The following PGM2L1 variants were observed in gnomAD, a reference collection of about 807,000 sequenced individuals.
PGM2L1 encodes phosphoglucomutase 2 like 1.
A neutral mutation model predicts 73.4 loss-of-function variants in PGM2L1; 35 were observed. That is an observed-to-expected ratio of 0.48 (90% confidence interval 0.36 to 0.63). The LOEUF is 0.63. Among genes scored for constraint, PGM2L1 ranks in the 30% least tolerant of loss-of-function variants. The pLI, the probability that PGM2L1 is intolerant of heterozygous loss-of-function variation, is 0.00. For synonymous variants in PGM2L1, 225 were observed against 253.8 expected (o/e 0.89, Z 1.08); for missense variants, 570 against 742.0 (o/e 0.77, Z 2.69).
intron 1 of PGM2L1, among the ~76,000 whole-genome samples, chr11:74,391,179 T>G (rs1189196629): frequency 6.6e-6 from 1 of 151,884 alleles, no homozygotes; most frequent in Non-Finnish European, 1.5e-5. Flanking sequence ...CTTCCTACTT[T>G]CTTCCTGTTT....
At chr11:74,354,505 G>A in intron 5 of PGM2L1, 1 of 1,223,182 alleles carries the variant, frequency 8.2e-7, no homozygotes, top group Non-Finnish European at 1.2e-6. Context: ...TTGGAGGGTT[G>A]AGCTTTGAAA....
intron 1 of PGM2L1, among the ~76,000 whole-genome samples, chr11:74,390,685 A>T (rs1035349914): frequency 3.3e-5 from 5 of 152,228 alleles, no homozygotes; most frequent in African/African-American, 1.2e-4. Flanking sequence ...GGTACTGAAG[A>T]GTAGATGCAA....
chr11:74,364,440 T>C (rs567577550), intron 5 of PGM2L1, among the ~76,000 whole-genome samples: 4 of 152,224 alleles, frequency 2.6e-5, no homozygotes, highest in Non-Finnish European at 5.9e-5. Context: ...TGTTTGCACA[T>C]GACATGATTG....
rs577181740 is a variant in PGM2L1, at chr11:74,380,067, TAAA to T, written c.112-5488_112-5486del. Among the ~76,000 whole-genome samples the T allele has an allele frequency of 3.1e-3, 468 of 152,356 alleles. 5 individuals are homozygous for T. The highest frequency in any genetic ancestry group is 0.011 in the African/African-American group (450 of 41,590). ...AATGTTACTGACAGAGACTTGTGTC[TAAA>T]TAATAAATACCAGTTTTATATAACT... On this transcript the variant is annotated intron_variant, in intron 1 of 13. Transcript: ENST00000298198.
intron 1 of PGM2L1, among the ~76,000 whole-genome samples, chr11:74,378,621 T>C (rs1263379129): frequency 1.3e-5 from 2 of 152,200 alleles, no homozygotes; most frequent in African/African-American, 4.8e-5. Flanking sequence ...AATTTTCCTT[T>C]AGGTTCTAAT....
chr11:74,366,704 G>T (rs576051279), intron 5 of PGM2L1, among the ~76,000 whole-genome samples: 94 of 152,030 alleles, frequency 6.2e-4, no homozygotes, highest in Non-Finnish European at 1.0e-3. Flanking sequence ...TATGTTGGAG[G>T]AGCTGGAGAA....
At chr11:74,337,030 CAGG>C (rs1233987649) in intron 13 of PGM2L1, among the ~76,000 whole-genome samples, 1 of 152,046 alleles carries the variant, frequency 6.6e-6, no homozygotes, top group Non-Finnish European at 1.5e-5. Flanking sequence ...TCTCCTGGGT[CAGG>C]AGAATGAGGT....
chr11:74,391,946 C>G (rs1022536439), intron 1 of PGM2L1, among the ~76,000 whole-genome samples: 2 of 152,158 alleles, frequency 1.3e-5, no homozygotes, highest in Non-Finnish European at 2.9e-5. Context: ...GCAAACTTTG[C>G]TAGCATTAAT....
At chr11:74,338,783 TAG>T (rs1327896815) in intron 12 of PGM2L1, among the ~76,000 whole-genome samples, 182 bp from the exon 13 acceptor site, 1 of 152,198 alleles carries the variant, frequency 6.6e-6, no homozygotes, top group East Asian at 1.9e-4. Flanking sequence ...GCTTAAAGGA[TAG>T]AGAGTTTCAG....
chr11:74,349,601 G>A (rs1279216116), intron 6 of PGM2L1, among the ~76,000 whole-genome samples: 1 of 152,180 alleles, frequency 6.6e-6, no homozygotes, highest in Non-Finnish European at 1.5e-5. Context: ...CTTTTACTAG[G>A]AAATGGTATT....
At chr11:74,346,709 A>G (rs1309109006) in intron 8 of PGM2L1, 23 bp downstream of exon 8, 2 of 1,577,244 alleles carry the variant, frequency 1.3e-6, no homozygotes, top group Non-Finnish European at 1.7e-6. Flanking sequence ...CAAGCTTTTA[A>G]TCAAATAACA....
intron 4 of PGM2L1, among the ~76,000 whole-genome samples, chr11:74,368,905 C>T (rs1334136463): frequency 6.6e-6 from 1 of 152,020 alleles, no homozygotes. Context: ...ATAATTTTTG[C>T]TATGTATTAT....
chr11:74,395,918 G>T (rs543647185), intron 1 of PGM2L1, among the ~76,000 whole-genome samples: 8 of 151,760 alleles, frequency 5.3e-5, no homozygotes, highest in African/African-American at 1.7e-4. Flanking sequence ...GCATAGAATG[G>T]ACAATCAATA....
At chr11:74,359,594 C>G (rs1021445541) in intron 5 of PGM2L1, among the ~76,000 whole-genome samples, 1 of 151,216 alleles carries the variant, frequency 6.6e-6, no homozygotes, top group Non-Finnish European at 1.5e-5. Context: ...CATACATACA[C>G]ATAGAATGAG....
chr11:74,394,538 A>G (rs1309241377), intron 1 of PGM2L1, among the ~76,000 whole-genome samples: 1 of 152,196 alleles, frequency 6.6e-6, no homozygotes, highest in Non-Finnish European at 1.5e-5. Flanking sequence ...TAACATTTAC[A>G]CACACACCTG....
chr11:74,396,101 T>A (rs1002647376), intron 1 of PGM2L1, among the ~76,000 whole-genome samples: 8 of 151,156 alleles, frequency 5.3e-5, no homozygotes, highest in Non-Finnish European at 2.9e-5. Flanking sequence ...AAAAAAAAAT[T>A]TTTTTTAATT....
intron 5 of PGM2L1, among the ~76,000 whole-genome samples, chr11:74,364,196 G>A (rs1463540918): frequency 6.6e-6 from 1 of 152,088 alleles, no homozygotes; most frequent in Admixed American, 6.5e-5. Context: ...AATAAATTAG[G>A]TATTAATGGG....
Position 74,347,321 on chromosome 11 carries a change from T to C in PGM2L1, c.766A>G (p.Thr256Ala). 4 of 1,598,078 alleles carry C rather than the reference T, an allele frequency of 2.5e-6. No individual in the cohort carries two copies. Among genetic ancestry groups the C allele is most frequent in the Non-Finnish European group, 3.4e-6 (4 of 1,173,364 alleles). The change falls in exon 7 of 14, where the codon ACC becomes GCC. Residue 256 changes from threonine (T) to alanine (A), a missense_variant. Thr to Ala is a moderately conservative substitution (Grantham distance 58, BLOSUM62 0). Coordinates refer to ENST00000298198, the MANE Select transcript of PGM2L1 (RefSeq NM_173582.6). The part of the protein sequence containing the change: ...ICFYRELNSK[T>A]TLKFVHTSFH... ...GATGTGTGCACAAATTTCAAGGTGG[T>C]CTTCGAGTTTAACTCCCTGTAAAGG...
At chr11:74,360,334 A>G (rs944216225) in intron 5 of PGM2L1, among the ~76,000 whole-genome samples, 59 of 148,728 alleles carry the variant, frequency 4.0e-4, no homozygotes, top group Admixed American at 2.8e-3. Flanking sequence ...GGTAAGAAGG[A>G]AAAAAAAAAG....
Sources: allele counts gnomAD v4.1 joint callset (sites outside exome capture counted in the v4.1 genomes callset), GRCh38; gene constraint gnomAD v4.1.1; transcripts MANE v1.5; gene names NCBI Gene and HGNC (gene_info 2026-07-23, HGNC 2026-07-21).